SUPT3H: variants seen among roughly 807,000 people sequenced by gnomAD.
SUPT3H encodes transcription initiation protein SPT3 homolog.
SUPT3H carries 44 observed loss-of-function variants against 44.3 expected under a neutral mutation model. The ratio of observed to expected loss-of-function variants is 0.99; its 90% CI spans 0.78 to 1.28. The LOEUF (loss-of-function observed/expected upper bound fraction) is 1.28, where lower values mean the gene tolerates loss of function less well. SUPT3H is among the 50% of genes most tolerant of loss of function. The pLI is 0.00. For synonymous variants in SUPT3H, 124 were observed against 125.6 expected, an observed-to-expected ratio of 0.99 and a Z score of 0.09; for missense variants, 380 against 387.1, an observed-to-expected ratio of 0.98 and a Z score of 0.15.
At chr6:45,069,416 T>C (rs920974438) in intron 3 of SUPT3H, among the ~76,000 whole-genome samples, 1 of 152,142 alleles carries the variant, frequency 6.6e-6, no homozygotes, top group Non-Finnish European at 1.5e-5. Flanking sequence ...AATTTTATAG[T>C]TGTAAGAAGA....
intron 10 of SUPT3H, among the ~76,000 whole-genome samples, chr6:44,844,622 A>T (rs983865553): frequency 1.3e-5 from 2 of 152,216 alleles, no homozygotes; most frequent in Non-Finnish European, 2.9e-5. Context: ...ATGCTAAATG[A>T]AAAGAAGTCA....
intron 6 of SUPT3H, among the ~76,000 whole-genome samples, chr6:44,963,923 G>A (rs1221529022): frequency 2.0e-5 from 3 of 151,476 alleles, no homozygotes; most frequent in Admixed American, 6.6e-5. Flanking sequence ...GCTTGAACTC[G>A]GGAGGCAGAG....
At chr6:44,938,266 G>A (rs1467546626) in intron 9 of SUPT3H, among the ~76,000 whole-genome samples, 1 of 151,982 alleles carries the variant, frequency 6.6e-6, no homozygotes, top group Non-Finnish European at 1.5e-5. Context: ...ATAAGAGATA[G>A]GGGACCAGTT....
At chr6:44,907,509 T>C (rs918261384) in intron 10 of SUPT3H, among the ~76,000 whole-genome samples, 2 of 152,078 alleles carry the variant, frequency 1.3e-5, no homozygotes, top group African/African-American at 4.8e-5. Flanking sequence ...AGACCCTATC[T>C]CTACTAAAAA....
chr6:44,824,978 G>A (rs1006920472), downstream of SUPT3H, among the ~76,000 whole-genome samples: 14 of 152,184 alleles, frequency 9.2e-5, no homozygotes, highest in Admixed American at 2.0e-4. Flanking sequence ...TCAGGGCATT[G>A]CCATATGTAC....
At chr6:45,163,318 G>A (rs1032672722) in intron 2 of SUPT3H, among the ~76,000 whole-genome samples, 4 of 151,942 alleles carry the variant, frequency 2.6e-5, no homozygotes, top group Non-Finnish European at 4.4e-5. Flanking sequence ...CTACAATACC[G>A]CACTTAACTT....
At chr6:44,841,165 C>G (rs970984168) in intron 10 of SUPT3H, among the ~76,000 whole-genome samples, 11 of 152,220 alleles carry the variant, frequency 7.2e-5, no homozygotes, top group African/African-American at 2.6e-4. Flanking sequence ...ATTACCTAGT[C>G]TCAGGTATTT....
chr6:44,907,945 G>C (rs538512014), intron 10 of SUPT3H, among the ~76,000 whole-genome samples: 1 of 152,176 alleles, frequency 6.6e-6, no homozygotes, highest in Non-Finnish European at 1.5e-5. Flanking sequence ...TGATGATGTG[G>C]CTCTGACTAT....
intron 6 of SUPT3H, among the ~76,000 whole-genome samples, chr6:44,973,558 C>T (rs1777894349): frequency 1.3e-5 from 2 of 152,178 alleles, no homozygotes; most frequent in South Asian, 4.1e-4. Flanking sequence ...GGCCTCCAAA[C>T]TGTTCCGACC....
chr6:45,004,043 T>A (rs1199472347), intron 5 of SUPT3H, among the ~76,000 whole-genome samples: 1 of 152,146 alleles, frequency 6.6e-6, no homozygotes, highest in Admixed American at 6.6e-5. Context: ...AAAGGGCTAA[T>A]TAAATCCCTT....
intron 3 of SUPT3H, among the ~76,000 whole-genome samples, chr6:45,057,318 A>G (rs1791284238): frequency 6.6e-6 from 1 of 152,120 alleles, no homozygotes; most frequent in Non-Finnish European, 1.5e-5. Context: ...TCAGTCTTTT[A>G]TCTCATTTCT....
intron 3 of SUPT3H, among the ~76,000 whole-genome samples, chr6:45,081,157 A>G (rs1160193565): frequency 2.6e-5 from 4 of 152,034 alleles, no homozygotes; most frequent in African/African-American, 4.8e-5. Flanking sequence ...GAACAAAGCC[A>G]AAGAGAGTGA....
At chr6:45,015,517 T>TA (rs2153514445) in intron 4 of SUPT3H, among the ~76,000 whole-genome samples, 1 of 152,094 alleles carries the variant, frequency 6.6e-6, no homozygotes, top group East Asian at 1.9e-4. Flanking sequence ...ACTTTATTTT[T>TA]AAAAAAGCTG....
At chr6:45,364,904 A>G (rs1286302920) in intron 2 of SUPT3H, among the ~76,000 whole-genome samples, 1 of 152,202 alleles carries the variant, frequency 6.6e-6, no homozygotes, top group African/African-American at 2.4e-5. Flanking sequence ...AGAAATAAAC[A>G]ATACATAACA....
intron 2 of SUPT3H, among the ~76,000 whole-genome samples, chr6:45,342,923 C>A (rs1002141758): frequency 1.3e-5 from 2 of 152,064 alleles, no homozygotes; most frequent in African/African-American, 4.8e-5. Context: ...ACAAGGACAG[C>A]AGGGGTTTTG....
intron 10 of SUPT3H, among the ~76,000 whole-genome samples, chr6:44,840,856 C>T (rs771020724): frequency 3.9e-5 from 6 of 152,162 alleles, no homozygotes; most frequent in Non-Finnish European, 8.8e-5. Flanking sequence ...TGCCTTCTTT[C>T]CAATTCTTTG....
chr6:44,919,585 T>C (rs1768335148), intron 10 of SUPT3H, among the ~76,000 whole-genome samples: 1 of 152,080 alleles, frequency 6.6e-6, no homozygotes, highest in African/African-American at 2.4e-5. Flanking sequence ...CTTCATTAAG[T>C]ATATGAGCAT....
chr6:45,223,146 C>G (rs868293686), intron 2 of SUPT3H, among the ~76,000 whole-genome samples: 1 of 151,922 alleles, frequency 6.6e-6, no homozygotes, highest in Non-Finnish European at 1.5e-5. Context: ...GTAGTAGATA[C>G]ATGAAACCGT....
At chr6:44,884,381 T>C (rs893424219) in intron 10 of SUPT3H, among the ~76,000 whole-genome samples, 1 of 152,212 alleles carries the variant, frequency 6.6e-6, no homozygotes, top group East Asian at 1.9e-4. Flanking sequence ...TGTGAAGAAA[T>C]AGGAACGCTT....
Sources: gnomAD v4.1 joint callset for allele counts (sites outside exome capture counted in the v4.1 genomes callset) on GRCh38, gnomAD v4.1.1 for gene constraint, MANE v1.5 for transcripts, NCBI Gene and HGNC (gene_info 2026-07-23, HGNC 2026-07-21) for gene names.